The following SLC14A2 variants were observed in gnomAD, a reference collection of about 807,000 sequenced individuals.
The protein encoded by SLC14A2 is solute carrier family 14 member 2.
In SLC14A2, 91 loss-of-function variants were observed where a neutral mutation model predicts 104.6. The ratio of observed to expected loss-of-function variants is 0.87; its 90% confidence interval spans 0.73 to 1.04. SLC14A2 has a LOEUF of 1.04. SLC14A2 is among the 50% of genes least tolerant of loss of function. The pLI is 0.00. For synonymous variants in SLC14A2, 476 were observed against 466.4 expected (o/e 1.02, Z -0.27); for missense variants, 1,189 against 1,156.0 (o/e 1.03, Z -0.41).
chr18:45,625,829 G>A lies in SLC14A2; in HGVS notation c.297G>A (p.Thr99=), dbSNP rs144197413. The A allele has an allele frequency of 6.3e-4, 943 of 1,507,378 alleles. 1 individual carries two copies. The highest frequency in any genetic ancestry group is 7.9e-4 in the Non-Finnish European group (900 of 1,132,362). 93.4% of individuals were successfully genotyped at this position (1,507,378 alleles called of 1,614,324 possible). The change falls in exon 3 of 20, where the codon ACG becomes ACA. Residue 99 remains threonine, a synonymous_variant. Transcript: ENST00000255226. ...TCTCCAAAGCAGTGGGCTACCTCAC[G>A]GGCGACATGAAGGAGTACAGGATCT... The part of the protein sequence containing the change: ...ICLSKAVGYL[T]GDMKEYRIWL...
intron 1 of SLC14A2, among the ~76,000 whole-genome samples, chr18:45,272,240 G>A (rs1003539978): frequency 6.6e-6 from 1 of 152,054 alleles, no homozygotes; most frequent in African/African-American, 2.4e-5. Flanking sequence ...TCCCACTGCT[G>A]GGTATATATC....
intron 1 of SLC14A2, among the ~76,000 whole-genome samples, chr18:45,273,207 G>T (rs2084668803): frequency 6.6e-6 from 1 of 152,136 alleles, no homozygotes; most frequent in Admixed American, 6.6e-5. Context: ...ATCCATTGAA[G>T]AAGTAAAATG....
At chr18:45,401,597 A>C (rs1481167123) in intron 1 of SLC14A2, among the ~76,000 whole-genome samples, 1 of 152,232 alleles carries the variant, frequency 6.6e-6, no homozygotes, top group Non-Finnish European at 1.5e-5. Flanking sequence ...GTGCAAAAGG[A>C]AGTCCCTGTA....
Position 45,588,992 on chromosome 18 carries a change from G to T in SLC14A2, c.-34-35639G>T, listed in dbSNP as rs72906308. 4.5e-3 allele frequency among the ~76,000 whole-genome samples: 675 copies of T among 151,670 alleles called. 6 individuals are homozygous for T. Among genetic ancestry groups the T allele is most frequent in the South Asian group, 0.041 (194 of 4,778 alleles). On this transcript the variant is annotated intron_variant, in intron 2 of 20. Transcript: ENST00000586448. ...TGGTGGGTGGGGGGGGGTGTTAAAT[G>T]TGAAGTTTGATGACTGAACAAAGAG...
chr18:45,430,905 G>GATT (rs2086504296), intron 1 of SLC14A2, among the ~76,000 whole-genome samples: 1 of 152,168 alleles, frequency 6.6e-6, no homozygotes, highest in Non-Finnish European at 1.5e-5. Context: ...TGGACACCCA[G>GATT]GGAGACCTTT....
the SLC14A2 span, among the ~76,000 whole-genome samples, chr18:45,188,370 C>T: frequency 2.0e-5 from 3 of 152,118 alleles, no homozygotes; most frequent in Non-Finnish European, 4.4e-5. Context: ...GCCATTGATC[C>T]TGATCTTGTT....
At chr18:45,480,147 A>G (rs752816379) in intron 1 of SLC14A2, among the ~76,000 whole-genome samples, 6 of 152,186 alleles carry the variant, frequency 3.9e-5, no homozygotes, top group Non-Finnish European at 8.8e-5. Context: ...TGCCTTCCAC[A>G]TGAAGATATA....
chr18:45,542,047 T>TTTTG (rs2043894997), intron 2 of SLC14A2, among the ~76,000 whole-genome samples: 1 of 89,914 alleles, frequency 1.1e-5, no homozygotes, highest in Non-Finnish European at 2.3e-5. Flanking sequence ...TTTTTTTTTT[T>TTTTG]TTTTTTTTTT....
chr18:45,544,951 C>T (rs977529257), intron 2 of SLC14A2, among the ~76,000 whole-genome samples: 5 of 151,858 alleles, frequency 3.3e-5, no homozygotes, highest in Admixed American at 3.3e-4. Context: ...CAACACCATG[C>T]CCGGCTAATT....
chr18:45,586,013 G>A (rs2044562161), intron 2 of SLC14A2, among the ~76,000 whole-genome samples: 1 of 152,206 alleles, frequency 6.6e-6, no homozygotes. Context: ...TACGGAAGCA[G>A]ACAAGACAAA....
At chr18:45,261,452 C>T (rs1486321046) in intron 1 of SLC14A2, among the ~76,000 whole-genome samples, 3 of 151,484 alleles carry the variant, frequency 2.0e-5, no homozygotes, top group Non-Finnish European at 4.4e-5. Context: ...TACATATGCA[C>T]AATGTGCAGG....
chr18:45,271,318 C>T (rs913056797), intron 1 of SLC14A2, among the ~76,000 whole-genome samples: 1 of 152,072 alleles, frequency 6.6e-6, no homozygotes, highest in Non-Finnish European at 1.5e-5. Context: ...GTTATTTTTT[C>T]CTTTTCCCTT....
At chr18:45,523,290 G>A (rs527345954) in intron 2 of SLC14A2, among the ~76,000 whole-genome samples, 49 of 152,104 alleles carry the variant, frequency 3.2e-4, no homozygotes, top group Middle Eastern at 3.4e-3. Flanking sequence ...GCCCAGGGCA[G>A]GAGCAATCTA....
At chr18:45,389,380 A>G (rs1439260698) in intron 1 of SLC14A2, among the ~76,000 whole-genome samples, 1 of 152,226 alleles carries the variant, frequency 6.6e-6, no homozygotes, top group African/African-American at 2.4e-5. Flanking sequence ...CTCTCTCTCC[A>G]AAAGTAATGG....
At chr18:45,493,069 A>G (rs1396266141) in intron 2 of SLC14A2, 1 of 152,244 alleles carries the variant, frequency 6.6e-6, no homozygotes. Context: ...CAACTGCTAG[A>G]AACACCCAGA....
At chr18:45,494,907 C>CACAA (rs1328271178) in intron 2 of SLC14A2, among the ~76,000 whole-genome samples, 4 of 57,894 alleles carry the variant, frequency 6.9e-5, no homozygotes, top group Admixed American at 2.3e-4. Context: ...TCATCACACA[C>CACAA]ACACACATAC....
At chr18:45,290,232 AG>A (rs1321387357) in intron 1 of SLC14A2, among the ~76,000 whole-genome samples, 2 of 152,194 alleles carry the variant, frequency 1.3e-5, no homozygotes, top group East Asian at 1.9e-4. Context: ...GGTACCCAAT[AG>A]GTAGTTTGTC....
the SLC14A2 span, among the ~76,000 whole-genome samples, chr18:45,169,729 C>T: frequency 1.3e-5 from 2 of 152,202 alleles, no homozygotes; most frequent in African/African-American, 4.8e-5. Flanking sequence ...TTACCCTAAA[C>T]ACTGCCCAGA....
intron 11 of SLC14A2, among the ~76,000 whole-genome samples, chr18:45,664,765 T>C (rs775779195): frequency 6.6e-6 from 1 of 152,134 alleles, no homozygotes; most frequent in Non-Finnish European, 1.5e-5. Flanking sequence ...TATGGGAAAA[T>C]ACACGAGGTG....
Sources: gnomAD v4.1 joint callset for allele counts (sites outside exome capture counted in the v4.1 genomes callset) on GRCh38, gnomAD v4.1.1 for gene constraint, MANE v1.5 for transcripts, NCBI Gene and HGNC (gene_info 2026-07-23, HGNC 2026-07-21) for gene names.